Variants in GTF2IRD1 observed in about 807,000 individuals in gnomAD.
GTF2IRD1 encodes the protein general transcription factor II-I repeat domain-containing protein 1.
In GTF2IRD1, 26 loss-of-function variants were observed where a neutral mutation model predicts 113.2. The ratio of observed to expected loss-of-function variants is 0.23; its 90% confidence interval spans 0.17 to 0.32. The LOEUF is 0.32. Among genes scored for constraint, GTF2IRD1 ranks in the 10% least tolerant of loss-of-function variants. The probability of loss-of-function intolerance (pLI) is 1.00; values close to 1 mark genes in which losing one functional copy is unlikely to be tolerated. For synonymous variants in GTF2IRD1, 484 were observed against 529.1 expected (o/e 0.91, Z 1.17); for missense variants, 864 against 1,280.8 (o/e 0.67, Z 4.97).
intron 22 of GTF2IRD1, among the ~76,000 whole-genome samples, chr7:74,581,859 TAGAC>T (rs1801439426): frequency 6.6e-6 from 1 of 152,016 alleles, no homozygotes; most frequent in East Asian, 1.9e-4. Context: ...ACACAAAAAT[TAGAC>T]AGACATAGTG....
intron 1 of GTF2IRD1, among the ~76,000 whole-genome samples, chr7:74,491,515 C>T (rs1307688167): frequency 8.5e-5 from 7 of 82,464 alleles, no homozygotes; most frequent in African/African-American, 4.1e-4. Flanking sequence ...TGTGTGTTGC[C>T]CCCCTCTCTG....
At chr7:74,559,765 A>C in intron 22 of GTF2IRD1, 110 bp downstream of exon 22, 2 of 840,500 alleles carry the variant, frequency 2.4e-6, no homozygotes, top group Non-Finnish European at 3.5e-6. Flanking sequence ...TGGGAACAGA[A>C]GCCAGGCCCC....
chr7:74,600,969 T>C, intron 25 of GTF2IRD1, 75 bp from the exon 26 acceptor site: 1 of 1,546,302 alleles, frequency 6.5e-7, no homozygotes, highest in South Asian at 1.1e-5. Flanking sequence ...ACAGAGCACT[T>C]TTCCAGGGAG....
At chr7:74,499,237 G>A (rs1012365139) in intron 1 of GTF2IRD1, among the ~76,000 whole-genome samples, 2 of 152,196 alleles carry the variant, frequency 1.3e-5, no homozygotes, top group African/African-American at 2.4e-5. Context: ...CTCTTGCAGG[G>A]TGGCCCCTCC....
intron 1 of GTF2IRD1, among the ~76,000 whole-genome samples, chr7:74,495,909 C>T (rs1414436369): frequency 1.3e-5 from 2 of 152,140 alleles, no homozygotes; most frequent in Admixed American, 6.5e-5. Context: ...TCATGCCCTG[C>T]GCGTCTCTGT....
chr7:74,515,510 G>T lies in GTF2IRD1; in HGVS notation c.335G>T (p.Arg112Leu), dbSNP rs370252920. ...GTGCAGCGGGGCGAGGGTGGAGGCC[G>T]TAGCCTCCCTCGGTCCTCCCTGGAA... ...KKVQRGEGGG[R>L]SLPRSSLEHG... The change falls in exon 4 of 27, where the codon CGT becomes CTT. Residue 112 changes from arginine to leucine, a missense_variant. Physicochemically the swap from Arg to Leu is moderately radical, Grantham distance 102. Around this residue, in one of 7 missense-constraint regions of GTF2IRD1, gnomAD observed 182 missense variants for 266.6 expected, o/e 0.68. Transcript: ENST00000424337. 6.2e-7 allele frequency: 1 copy of T among 1,612,816 alleles called. No homozygotes were observed. The highest frequency in any genetic ancestry group is 8.5e-7 in the Non-Finnish European group (1 of 1,179,090).
intron 22 of GTF2IRD1, among the ~76,000 whole-genome samples, chr7:74,582,233 A>G (rs1387949498): frequency 1.3e-5 from 2 of 152,190 alleles, no homozygotes; most frequent in Non-Finnish European, 2.9e-5. Context: ...GGGCACGGCT[A>G]GAGCACAGAC....
At chr7:74,517,895 C>T (rs1465704274) in intron 4 of GTF2IRD1, among the ~76,000 whole-genome samples, 2 of 152,210 alleles carry the variant, frequency 1.3e-5, no homozygotes, top group Non-Finnish European at 2.9e-5. Context: ...GGGAGGGCAG[C>T]AGGGAACCTG....
intron 22 of GTF2IRD1, among the ~76,000 whole-genome samples, chr7:74,570,946 G>A (rs1185348098): frequency 1.3e-5 from 2 of 152,156 alleles, no homozygotes; most frequent in Non-Finnish European, 2.9e-5. Context: ...TCCTCCCTGC[G>A]TATGGGCCCA....
chr7:74,496,296 G>A (rs781971321), intron 1 of GTF2IRD1, among the ~76,000 whole-genome samples: 18 of 150,088 alleles, frequency 1.2e-4, no homozygotes, highest in Non-Finnish European at 2.2e-4. Context: ...GTATGTGGGT[G>A]TGCATGTGTG....
chr7:74,506,648 G>C (rs370493946), intron 1 of GTF2IRD1: 12 of 152,218 alleles, frequency 7.9e-5, no homozygotes, highest in African/African-American at 2.7e-4. Flanking sequence ...TGCTTGGATT[G>C]GTGCAGGGAC....
At chr7:74,509,039 G>C (rs1022569786) in intron 2 of GTF2IRD1, among the ~76,000 whole-genome samples, 3 of 151,892 alleles carry the variant, frequency 2.0e-5, no homozygotes, top group Non-Finnish European at 4.4e-5. Flanking sequence ...TTCCTGGGGG[G>C]AAGTTCTGTG....
intron 1 of GTF2IRD1, among the ~76,000 whole-genome samples, chr7:74,498,629 A>C (rs935216952): frequency 1.2e-4 from 18 of 152,040 alleles, no homozygotes; most frequent in Non-Finnish European, 2.6e-4. Context: ...CTAAGTAAAT[A>C]AAACATTTAA....
intron 22 of GTF2IRD1, among the ~76,000 whole-genome samples, chr7:74,561,779 G>T (rs587755414): frequency 6.6e-6 from 1 of 152,166 alleles, no homozygotes; most frequent in South Asian, 2.1e-4. Flanking sequence ...GGGACAAGGT[G>T]GTATTCTAGA....
intron 1 of GTF2IRD1, among the ~76,000 whole-genome samples, chr7:74,472,925 G>A (rs782316065): frequency 9.2e-5 from 14 of 152,160 alleles, no homozygotes; most frequent in Non-Finnish European, 1.8e-4. Flanking sequence ...TTGCTGCAGC[G>A]TACCCTGGAC....
intron 1 of GTF2IRD1, among the ~76,000 whole-genome samples, chr7:74,456,282 AC>A (rs1340066971): frequency 6.6e-6 from 1 of 152,068 alleles, no homozygotes; most frequent in Non-Finnish European, 1.5e-5. Flanking sequence ...ATGGCTTGGG[AC>A]ATTCACGTCC....
chr7:74,536,677 G>C lies in GTF2IRD1; in HGVS notation c.1409+402G>C, dbSNP rs1293544847. ...CAAAATTAGCCGGGTGTGGTGGTGCGCATGTGTAATCCCAGCTACTCGGGA... is the reference window on the plus strand; with the variant it reads ...CAAAATTAGCCGGGTGTGGTGGTGCCCATGTGTAATCCCAGCTACTCGGGA... On this transcript the variant is annotated intron_variant, in intron 11 of 26. Transcript: ENST00000424337. 1.3e-5 allele frequency among the ~76,000 whole-genome samples: 2 copies of C among 151,866 alleles called. 1 individual carries two copies. The highest frequency in any genetic ancestry group is 3.9e-4 in the East Asian group (2 of 5,156).
At chr7:74,567,348 AAGG>A (rs782633106) in intron 22 of GTF2IRD1, among the ~76,000 whole-genome samples, 3 of 151,754 alleles carry the variant, frequency 2.0e-5, no homozygotes, top group Non-Finnish European at 4.4e-5. Flanking sequence ...AGAAAAAAAA[AAGG>A]AGAGAGAGGT....
chr7:74,555,635 G>A lies in GTF2IRD1; in HGVS notation c.2023+141G>A. 1.6e-6 allele frequency: 1 copy of A among 630,142 alleles called. No individual in the cohort carries two copies. Among genetic ancestry groups the A allele is most frequent in the Admixed American group, 2.5e-5 (1 of 40,668 alleles). The allele number at this position is 630,142 out of a possible 1,614,324, so 39.0% of individuals were successfully genotyped here. Reference sequence around the variant, plus strand: ...AGGGACCAGGCAAGCCAGGTTGGCAGCCCAGGCCCGGCTGTACCCTGCCAG... The same window carrying A: ...AGGGACCAGGCAAGCCAGGTTGGCAACCCAGGCCCGGCTGTACCCTGCCAG... On this transcript the variant is annotated intron_variant, in intron 19 of 26. Transcript: ENST00000424337. This position sits in a 1 kb window ranked among gnomAD's most constrained non-coding sequence, Gnocchi z 5.3.
Sources: allele counts gnomAD v4.1 joint callset (sites outside exome capture counted in the v4.1 genomes callset), GRCh38; gene constraint gnomAD v4.1.1; regional missense constraint gnomAD v4.1.1; non-coding constraint Gnocchi (gnomAD v3.1); transcripts MANE v1.5; gene names NCBI Gene and HGNC (gene_info 2026-07-23, HGNC 2026-07-21).